Variants in RFPL1 observed in about 807,000 individuals in gnomAD.
RFPL1 encodes the protein ret finger protein-like 1.
RFPL1 carries 6 observed loss-of-function variants against 9.6 expected under a neutral mutation model. The observed-to-expected ratio is 0.62, with a 90% confidence interval of 0.34 to 1.23. The LOEUF is 1.23. Ranked by LOEUF, RFPL1 falls within the 50% of genes most tolerant of loss-of-function variation. The probability of loss-of-function intolerance (pLI) is 0.03; values close to 1 mark genes in which losing one functional copy is unlikely to be tolerated. For missense variants in RFPL1, 352 were observed against 398.4 expected, an observed-to-expected ratio of 0.88 and a Z score of 0.99; for synonymous variants, 145 against 149.4, an observed-to-expected ratio of 0.97 and a Z score of 0.22.
chr22:29,420,344 T>G, the RFPL1 span, among the ~76,000 whole-genome samples: 2 of 152,226 alleles, frequency 1.3e-5, no homozygotes, highest in Non-Finnish European at 2.9e-5. Flanking sequence ...TCTCTCTCTT[T>G]TTTTGAGATG....
chr22:29,438,853 T>G, exon 1 of RFPL1: 1 of 1,613,964 alleles, frequency 6.2e-7, no homozygotes, highest in Non-Finnish European at 8.5e-7. Context: ...TTTCTTCCCT[T>G]GTGCACTTTT....
chr22:29,410,014 A>G, the RFPL1 span, among the ~76,000 whole-genome samples: 2 of 151,774 alleles, frequency 1.3e-5, no homozygotes, highest in South Asian at 4.2e-4. Context: ...ATGAAAACCC[A>G]TTGCCTTTTC....
chr22:29,425,255 A>G, the RFPL1 span, among the ~76,000 whole-genome samples: 3 of 151,970 alleles, frequency 2.0e-5, no homozygotes, highest in Non-Finnish European at 4.4e-5. Flanking sequence ...TAAAATAGGC[A>G]TTTGAATGGA....
At chr22:29,432,240 C>A in the RFPL1 span, among the ~76,000 whole-genome samples, 4 of 152,330 alleles carry the variant, frequency 2.6e-5, no homozygotes, top group East Asian at 5.8e-4. Flanking sequence ...GTGCAATTAA[C>A]TGATAAGATA....
At chr22:29,433,743 A>G (rs910540423), upstream of RFPL1, among the ~76,000 whole-genome samples, 2 of 152,156 alleles carry the variant, frequency 1.3e-5, no homozygotes, top group African/African-American at 4.8e-5. Flanking sequence ...AAAATATAAC[A>G]TTTAAGTCAT....
At chr22:29,410,329 GATATATAGATCT>G in the RFPL1 span, among the ~76,000 whole-genome samples, 56 of 101,740 alleles carry the variant, frequency 5.5e-4, 1 homozygote, top group Non-Finnish European at 2.4e-4. Flanking sequence ...TATATATGTA[GATATATAGATCT>G]ATATATAGAT....
the RFPL1 span, among the ~76,000 whole-genome samples, chr22:29,428,173 T>C: frequency 1.3e-5 from 2 of 152,160 alleles, no homozygotes; most frequent in African/African-American, 4.8e-5. Flanking sequence ...ATTGCTAATG[T>C]TGAAAAACGA....
At chr22:29,399,027 G>C in the RFPL1 span, among the ~76,000 whole-genome samples, 4 of 152,188 alleles carry the variant, frequency 2.6e-5, no homozygotes, top group African/African-American at 9.7e-5. Context: ...CACTTACAAA[G>C]TGTGTGTCAC....
At chr22:29,423,063 G>A in the RFPL1 span, 1 of 1,131,470 alleles carries the variant, frequency 8.8e-7, no homozygotes, top group South Asian at 1.3e-5. Flanking sequence ...CGCCATAGGA[G>A]GAAAACAGAA....
the RFPL1 span, among the ~76,000 whole-genome samples, chr22:29,414,023 A>G: frequency 0.27 from 40,486 of 152,146 alleles, 7,234 homozygotes; most frequent in African/African-American, 0.47. Flanking sequence ...ATAGTTTTAC[A>G]TTCAGGAGGA....
chr22:29,394,953 G>A, the RFPL1 span, among the ~76,000 whole-genome samples: 1 of 152,136 alleles, frequency 6.6e-6, no homozygotes, highest in Admixed American at 6.5e-5. Context: ...TGCCAGGAAG[G>A]TTGAGAGTTC....
chr22:29,399,485 A>G, the RFPL1 span, among the ~76,000 whole-genome samples: 2 of 152,322 alleles, frequency 1.3e-5, no homozygotes, highest in East Asian at 1.9e-4. Flanking sequence ...CTCAGCCAAT[A>G]TTATTATTGA....
At chr22:29,432,817 A>T in the RFPL1 span, 7 of 152,222 alleles carry the variant, frequency 4.6e-5, no homozygotes, top group African/African-American at 1.7e-4. Context: ...ATCACCTATC[A>T]CTAGTGATTG....
chr22:29,427,044 C>T, the RFPL1 span, among the ~76,000 whole-genome samples: 2 of 152,194 alleles, frequency 1.3e-5, no homozygotes. Flanking sequence ...TTCCTTCCAA[C>T]TTGTAAGTTG....
the RFPL1 span, among the ~76,000 whole-genome samples, chr22:29,426,452 A>T: frequency 3.9e-5 from 6 of 151,910 alleles, no homozygotes; most frequent in African/African-American, 1.5e-4. Flanking sequence ...AGACAACCGT[A>T]TAAAAGAAGT....
At chr22:29,397,501 T>C in the RFPL1 span, among the ~76,000 whole-genome samples, 3 of 152,028 alleles carry the variant, frequency 2.0e-5, no homozygotes, top group Middle Eastern at 3.2e-3. Context: ...CCCAAGCCAG[T>C]GCCAACAGCA....
chr22:29,416,997 C>T, the RFPL1 span, among the ~76,000 whole-genome samples: 1 of 152,138 alleles, frequency 6.6e-6, no homozygotes, highest in Non-Finnish European at 1.5e-5. Context: ...CCTCTCAATT[C>T]TTATGTATTT....
At chr22:29,420,764 C>T in the RFPL1 span, among the ~76,000 whole-genome samples, 1 of 151,346 alleles carries the variant, frequency 6.6e-6, no homozygotes, top group Non-Finnish European at 1.5e-5. Flanking sequence ...CCTCAACCTC[C>T]CAGATAGCTG....
In RFPL1 at chr22:29,442,079, CG is replaced by C; in HGVS notation, c.914del (p.Gly305AlafsTer55). 1 of 1,598,698 alleles carries C rather than the reference CG, an allele frequency of 6.3e-7. No individual in the cohort carries two copies. The highest frequency in any genetic ancestry group is 8.5e-7 in the Non-Finnish European group (1 of 1,169,682). On this transcript the variant is annotated frameshift_variant, in exon 2 of 2. Transcript: ENST00000354373. LOFTEE classifies it low-confidence loss of function (END_TRUNC). ...TTGAGTATCTGTCCTGTGATAAACC[CG>C]GGCACTACTGATGCTCCAGTCCATC...
Sources: gnomAD v4.1 joint callset for allele counts (sites outside exome capture counted in the v4.1 genomes callset) on GRCh38, gnomAD v4.1.1 for gene constraint, MANE v1.5 for transcripts, NCBI Gene and HGNC (gene_info 2026-07-23, HGNC 2026-07-21) for gene names.